Variants in KDELR3 observed in about 807,000 individuals in gnomAD.
The protein encoded by KDELR3 is ER lumen protein-retaining receptor 3.
Under a neutral mutation model 22.7 loss-of-function variants are expected in KDELR3, and 26 were observed. That is an observed-to-expected ratio of 1.15 (90% CI 0.84 to 1.59). The LOEUF is 1.59. Ranked by LOEUF, KDELR3 falls within the 40% of genes most tolerant of loss-of-function variation. KDELR3 has a pLI of 0.00. For missense variants in KDELR3, 289 were observed against 251.1 expected, an observed-to-expected ratio of 1.15 and a Z score of -1.02; for synonymous variants, 120 against 98.2, an observed-to-expected ratio of 1.22 and a Z score of -1.31.
intron 1 of KDELR3, among the ~76,000 whole-genome samples, chr22:38,468,625 C>T (rs1032690995): frequency 2.6e-5 from 4 of 152,132 alleles, no homozygotes; most frequent in Admixed American, 1.3e-4. Flanking sequence ...CCCTCCCTCC[C>T]ACCAGTTACA....
chr22:38,474,395 G>A, intron 1 of KDELR3, 128 bp from the exon 2 acceptor site: 2 of 675,878 alleles, frequency 3.0e-6, no homozygotes, highest in East Asian at 2.6e-5. Flanking sequence ...ACAGTGCCCT[G>A]GACAGGAGGT....
At chr22:38,481,611 A>G in intron 4 of KDELR3, 147 bp downstream of exon 4, 1 of 1,499,022 alleles carries the variant, frequency 6.7e-7, no homozygotes, top group Non-Finnish European at 8.8e-7. Context: ...AAATATTTTC[A>G]ATAAAGAAAC....
chr22:38,475,496 T>C (rs1381311229), intron 2 of KDELR3, among the ~76,000 whole-genome samples: 1 of 151,988 alleles, frequency 6.6e-6, no homozygotes, highest in East Asian at 1.9e-4. Context: ...AAAAATTATT[T>C]AGGTGATAGA....
chr22:38,473,327 G>C (rs2089536453), intron 1 of KDELR3, among the ~76,000 whole-genome samples: 1 of 152,130 alleles, frequency 6.6e-6, no homozygotes. Flanking sequence ...GTAGTTACCA[G>C]CTACTCGGGA....
In KDELR3 at chr22:38,479,761, T is replaced by G; in HGVS notation, c.351+10T>G. The G allele has an allele frequency of 6.2e-7, 1 of 1,613,930 alleles. No homozygotes were observed. The highest frequency in any genetic ancestry group is 8.5e-7 in the Non-Finnish European group (1 of 1,179,810). On this transcript the variant is annotated intron_variant, in intron 3 of 4. Transcript: ENST00000216014. ...TTTCACTCTGCTGGAGGTAAGGGAA[T>G]GGACTGAGTACCAGTTCTCAAAGGG...
rs184632567 is a variant in KDELR3, at chr22:38,482,826, G to A, written c.*290G>A. 49 of 412,616 alleles carry A rather than the reference G, an allele frequency of 1.2e-4. No individual in the cohort carries two copies. The highest frequency in any genetic ancestry group is 9.1e-4 in the African/African-American group (45 of 49,248). 25.6% of individuals were successfully genotyped at this position (412,616 alleles called of 1,614,324 possible). On this transcript the variant is annotated 3_prime_UTR_variant, in exon 5 of 5. Transcript: ENST00000216014. ...TACCGACGAAATAAAAAACATAAAT[G>A]ATTGTTCTCCAAGGCCTGAGGGCAA...
chr22:38,469,912 C>T (rs2089514174), intron 1 of KDELR3, among the ~76,000 whole-genome samples: 1 of 151,586 alleles, frequency 6.6e-6, no homozygotes, highest in South Asian at 2.1e-4. Flanking sequence ...CTCCACCTCC[C>T]AGGTTCAAGC....
chr22:38,481,055 T>C (rs1374773200), intron 3 of KDELR3, among the ~76,000 whole-genome samples, 157 bp from the exon 4 acceptor site: 1 of 152,218 alleles, frequency 6.6e-6, no homozygotes. Context: ...CTAGAGATGG[T>C]AGGTTAAACT....
At chr22:38,480,518 A>G (rs1174063860) in intron 3 of KDELR3, among the ~76,000 whole-genome samples, 1 of 151,974 alleles carries the variant, frequency 6.6e-6, no homozygotes, top group African/African-American at 2.4e-5. Context: ...TTGGCCGGGC[A>G]CGGTGGCTCA....
Position 38,479,647 on chromosome 22 carries a change from CG to C in KDELR3, c.248del (p.Arg83LeufsTer55). ...VTVYMIYGKF[R>X]KTFDSENDTF... ...AGTGTACATGATATATGGGAAATTCCGTAAAACTTTTGACAGTGAGAATGAC... is the reference window on the plus strand; with the variant it reads ...AGTGTACATGATATATGGGAAATTCCTAAAACTTTTGACAGTGAGAATGAC... On this transcript the variant is annotated frameshift_variant, in exon 3 of 5. Transcript: ENST00000216014. LOFTEE classifies it high-confidence loss of function. 2 of 1,613,986 alleles carry C rather than the reference CG, an allele frequency of 1.2e-6. No homozygotes were observed. Among genetic ancestry groups the C allele is most frequent in the Non-Finnish European group, 8.5e-7 (1 of 1,179,868 alleles).
intron 3 of KDELR3, 93 bp downstream of exon 3, chr22:38,479,844 G>C (rs1210098443): frequency 1.4e-5 from 16 of 1,135,058 alleles, no homozygotes; most frequent in Admixed American, 2.0e-5. Context: ...GCTTACAACT[G>C]TGACCATTAC....
intron 2 of KDELR3, 151 bp downstream of exon 2, chr22:38,474,774 C>A: frequency 1.5e-6 from 1 of 649,746 alleles, no homozygotes; most frequent in Non-Finnish European, 2.7e-6. Context: ...TCATCTTGGG[C>A]CTCTTTGTAT....
intron 1 of KDELR3, among the ~76,000 whole-genome samples, chr22:38,473,215 G>A (rs1357665952): frequency 2.0e-5 from 3 of 152,112 alleles, no homozygotes; most frequent in Non-Finnish European, 2.9e-5. Context: ...TTGGGCCCAG[G>A]AGTTTGAGAC....
At chr22:38,470,777 G>A (rs910031695) in intron 1 of KDELR3, among the ~76,000 whole-genome samples, 1 of 152,230 alleles carries the variant, frequency 6.6e-6, no homozygotes, top group East Asian at 1.9e-4. Flanking sequence ...ATTGTCCTCT[G>A]TGTCCCGGGT....
chr22:38,482,546 G>C lies in KDELR3; in HGVS notation c.*10G>C. The C allele has an allele frequency of 6.2e-7, 1 of 1,609,068 alleles. No individual in the cohort carries two copies. Among genetic ancestry groups the C allele is most frequent in the Non-Finnish European group, 8.5e-7 (1 of 1,175,402 alleles). On this transcript the variant is annotated 3_prime_UTR_variant, in exon 5 of 5. Coordinates refer to ENST00000216014, the MANE Select transcript of KDELR3 (RefSeq NM_006855.4). Reference sequence around the variant, plus strand: ...TCCAATGCCAATCTGAGGACCTTCAGAGACAGTCTACGCCTTAACAAGCAC... The same window carrying C: ...TCCAATGCCAATCTGAGGACCTTCACAGACAGTCTACGCCTTAACAAGCAC...
intron 1 of KDELR3, 58 bp downstream of exon 1, chr22:38,468,382 T>A: frequency 2.0e-6 from 3 of 1,511,752 alleles, no homozygotes; most frequent in Non-Finnish European, 1.8e-6. Flanking sequence ...CTCATGCCCC[T>A]GCGTGCAGGG....
chr22:38,468,451 T>C (rs1480870620), intron 1 of KDELR3, 127 bp downstream of exon 1: 3 of 699,110 alleles, frequency 4.3e-6, no homozygotes, highest in Non-Finnish European at 7.4e-6. Flanking sequence ...CCTTGAAACT[T>C]TGCGGAGCTC....
At chr22:38,477,713 T>C (rs988974442) in intron 2 of KDELR3, among the ~76,000 whole-genome samples, 1 of 152,200 alleles carries the variant, frequency 6.6e-6, no homozygotes, top group Non-Finnish European at 1.5e-5. Context: ...TTGTGAGGTG[T>C]TGAACTCATT....
chr22:38,481,488 G>T, intron 4 of KDELR3, 24 bp downstream of exon 4: 1 of 1,614,090 alleles, frequency 6.2e-7, no homozygotes, highest in Non-Finnish European at 8.5e-7. Flanking sequence ...TGACAGCAAT[G>T]CTGACACTGG....
Sources: gnomAD v4.1 joint callset for allele counts (sites outside exome capture counted in the v4.1 genomes callset) on GRCh38, gnomAD v4.1.1 for gene constraint, MANE v1.5 for transcripts, NCBI Gene and HGNC (gene_info 2026-07-23, HGNC 2026-07-21) for gene names.